C5orf46: variants seen among roughly 807,000 people sequenced by gnomAD.
C5orf46 encodes uncharacterized protein C5orf46.
In C5orf46, 9 loss-of-function variants were observed where a neutral mutation model predicts 8.9. The observed-to-expected ratio is 1.01, with a 90% confidence interval of 0.61 to 1.76. The LOEUF (loss-of-function observed/expected upper bound fraction) is 1.76. C5orf46 is among the 40% of genes most tolerant of loss of function. C5orf46 has a pLI of 0.00. For synonymous variants in C5orf46, 47 were observed against 41.4 expected, an observed-to-expected ratio of 1.14 and a Z score of -0.52; for missense variants, 98 against 107.8, an observed-to-expected ratio of 0.91 and a Z score of 0.40.
chr5:147,895,622 T>C (rs1561630329), intron 3 of C5orf46, among the ~76,000 whole-genome samples: 1 of 152,156 alleles, frequency 6.6e-6, no homozygotes, highest in Non-Finnish European at 1.5e-5. Flanking sequence ...GACTACATCA[T>C]AGACCAGACC....
intron 2 of C5orf46, among the ~76,000 whole-genome samples, chr5:147,898,514 G>A (rs1411616499): frequency 6.6e-6 from 1 of 152,136 alleles, no homozygotes; most frequent in Non-Finnish European, 1.5e-5. Context: ...TTTGTAGCAA[G>A]CAATCAGTTA....
chr5:147,904,205 G>C (rs1168605541), intron 1 of C5orf46, among the ~76,000 whole-genome samples: 1 of 152,212 alleles, frequency 6.6e-6, no homozygotes, highest in Non-Finnish European at 1.5e-5. Context: ...CGGAACTCAT[G>C]TGTAAGGTGC....
At position 147,896,571 on chromosome 5, in the gene C5orf46, T is replaced by C. The variant is rs974129047; in HGVS notation, c.*9+413A>G. The stretch of plus-strand genomic sequence containing the variant: ...TGCCCATATATCTAACTGCGTGAGA[T>C]AGAAAGTTTGTTATCCTTTCTCTCT... On this transcript the variant is annotated intron_variant, in intron 3 of 3. Transcript: ENST00000318315. Among the ~76,000 whole-genome samples, 6 of 152,318 alleles carry C rather than the reference T, an allele frequency of 3.9e-5. No homozygotes were observed. The East Asian group carries it at 7.7e-4, about 20-fold the overall frequency.
chr5:147,886,450 C>T (rs886507630), intron 2 of C5orf46: 2 of 147,072 alleles, frequency 1.4e-5, no homozygotes, highest in African/African-American at 2.5e-5. Flanking sequence ...GAAATATATA[C>T]ATATAATTAT....
At chr5:147,899,030 C>G (rs1757627115) in intron 2 of C5orf46, among the ~76,000 whole-genome samples, 1 of 152,160 alleles carries the variant, frequency 6.6e-6, no homozygotes, top group Admixed American at 6.5e-5. Context: ...CTCTCATTCT[C>G]TCTTCCAAAT....
At chr5:147,894,572 TCCAAGGCATTC>T (rs1757551262) in intron 3 of C5orf46, among the ~76,000 whole-genome samples, 1 of 152,148 alleles carries the variant, frequency 6.6e-6, no homozygotes, top group African/African-American at 2.4e-5. Flanking sequence ...TCTTATCTTT[TCCAAGGCATTC>T]CCAAGGCCCC....
intron 2 of C5orf46, chr5:147,886,446 T>C (rs1425792676): frequency 2.0e-5 from 3 of 148,958 alleles, no homozygotes; most frequent in African/African-American, 7.3e-5. Flanking sequence ...TATAGAAATA[T>C]ATACATATAA....
At chr5:147,895,518 T>C (rs1017216722) in intron 3 of C5orf46, among the ~76,000 whole-genome samples, 4 of 152,156 alleles carry the variant, frequency 2.6e-5, no homozygotes, top group Non-Finnish European at 5.9e-5. Flanking sequence ...CTGACCACGG[T>C]TACATAACCA....
downstream of C5orf46, among the ~76,000 whole-genome samples, chr5:147,888,155 T>G (rs114703299): frequency 6.6e-6 from 1 of 152,202 alleles, no homozygotes; most frequent in African/African-American, 2.4e-5. Context: ...TGACACGTCA[T>G]GTAGAACTAA....
chr5:147,893,693 C>A lies in C5orf46; in HGVS notation c.*10-754G>T, dbSNP rs1461554704. ...GAGTAGCTGGGATTACTGGCATGTG[C>A]CACCATGCCCGGCTAATTTTGTATT... On this transcript the variant is annotated intron_variant, in intron 3 of 3. Coordinates refer to ENST00000318315, the MANE Select transcript of C5orf46 (RefSeq NM_206966.3). 3.9e-5 allele frequency among the ~76,000 whole-genome samples: 6 copies of A among 152,104 alleles called. No homozygotes were observed. The East Asian group carries it at 9.6e-4, about 24-fold the overall frequency.
intron 3 of C5orf46, among the ~76,000 whole-genome samples, chr5:147,894,028 T>A (rs1467608289): frequency 6.6e-6 from 1 of 152,154 alleles, no homozygotes; most frequent in East Asian, 1.9e-4. Context: ...GAATTTCCTG[T>A]CTGACTTACT....
chr5:147,903,835 C>T (rs938162860), intron 1 of C5orf46, among the ~76,000 whole-genome samples: 3 of 152,166 alleles, frequency 2.0e-5, no homozygotes, highest in African/African-American at 4.8e-5. Context: ...GCAGGCTCAA[C>T]GTCCTGGGCT....
chr5:147,896,905 T>C, intron 3 of C5orf46, 79 bp downstream of exon 3: 1 of 600,994 alleles, frequency 1.7e-6, no homozygotes, highest in Non-Finnish European at 2.7e-6. Context: ...ACCAAAATTA[T>C]TAAATAAAAC....
intron 3 of C5orf46, among the ~76,000 whole-genome samples, chr5:147,896,610 C>A (rs1311498617): frequency 6.6e-6 from 1 of 152,100 alleles, no homozygotes; most frequent in African/African-American, 2.4e-5. Context: ...TTAGGTTCAG[C>A]AAATTTCACT....
intron 3 of C5orf46, among the ~76,000 whole-genome samples, chr5:147,894,133 A>G (rs2127125628): frequency 6.6e-6 from 1 of 152,216 alleles, no homozygotes; most frequent in Middle Eastern, 3.4e-3. Flanking sequence ...AATCCAAAAC[A>G]CTTGTATAAA....
At chr5:147,900,143 T>C (rs953592364) in intron 2 of C5orf46, among the ~76,000 whole-genome samples, 3 of 152,218 alleles carry the variant, frequency 2.0e-5, no homozygotes, top group Non-Finnish European at 2.9e-5. Flanking sequence ...CTTTAGTTTG[T>C]ATGTAATGGG....
At chr5:147,901,223 T>C (rs558313560) in intron 2 of C5orf46, 12 of 155,898 alleles carry the variant, frequency 7.7e-5, no homozygotes, top group Non-Finnish European at 1.4e-4. Context: ...CCATCTATTA[T>C]TTTAACTTCA....
intron 1 of C5orf46, among the ~76,000 whole-genome samples, chr5:147,903,746 T>A (rs1017348075): frequency 1.3e-5 from 2 of 152,168 alleles, no homozygotes; most frequent in African/African-American, 4.8e-5. Context: ...TTGGGCCTAC[T>A]TTTTTAATGT....
chr5:147,889,993 G>A (rs1192291232), downstream of C5orf46, among the ~76,000 whole-genome samples: 6 of 152,156 alleles, frequency 3.9e-5, no homozygotes, highest in Admixed American at 1.3e-4. Context: ...TTCTTCTGTG[G>A]TTGAAATGCC....
Sources: gnomAD v4.1 joint callset for allele counts (sites outside exome capture counted in the v4.1 genomes callset) on GRCh38, gnomAD v4.1.1 for gene constraint, MANE v1.5 for transcripts, NCBI Gene and HGNC (gene_info 2026-07-23, HGNC 2026-07-21) for gene names.